ANKRD17: variants seen among roughly 807,000 people sequenced by gnomAD.
The protein encoded by ANKRD17 is ankyrin repeat domain 17.
In ANKRD17, 19 loss-of-function variants were observed where a neutral mutation model predicts 229.7. The ratio of observed to expected loss-of-function variants is 0.08; its 90% confidence interval spans 0.06 to 0.12. ANKRD17 has a LOEUF of 0.12. ANKRD17 is among the 10% of genes least tolerant of loss of function. The probability of loss-of-function intolerance (pLI) is 1.00; values close to 1 mark genes in which losing one functional copy is unlikely to be tolerated. For missense variants in ANKRD17, 2,176 were observed against 3,176.8 expected, an observed-to-expected ratio of 0.68 and a Z score of 7.57; for synonymous variants, 1,112 against 1,146.1, an observed-to-expected ratio of 0.97 and a Z score of 0.60.
chr4:73,189,044 G>A (rs1356222488), intron 1 of ANKRD17, among the ~76,000 whole-genome samples: 4 of 151,870 alleles, frequency 2.6e-5, no homozygotes, highest in Non-Finnish European at 5.9e-5. Context: ...CCTTCAAAAC[G>A]GCACCTAAAC....
chr4:73,120,742 C>T, intron 20 of ANKRD17, 139 bp downstream of exon 20: 1 of 746,560 alleles, frequency 1.3e-6, no homozygotes. Context: ...CTGAGTTATA[C>T]AGAATGATTT....
At chr4:73,136,453 A>G (rs1442000355) in intron 15 of ANKRD17, among the ~76,000 whole-genome samples, 1 of 152,196 alleles carries the variant, frequency 6.6e-6, no homozygotes, top group Non-Finnish European at 1.5e-5. Context: ...TCCTTAGTTC[A>G]GGCACAAACA....
intron 1 of ANKRD17, among the ~76,000 whole-genome samples, chr4:73,203,326 C>A (rs574515622): frequency 1.3e-5 from 2 of 151,472 alleles, no homozygotes; most frequent in South Asian, 4.2e-4. Flanking sequence ...TAACAAATGG[C>A]AAAACTAAAC....
chr4:73,116,747 A>G (rs116554926), intron 22 of ANKRD17, among the ~76,000 whole-genome samples: 1,684 of 152,122 alleles, frequency 0.011, 33 homozygotes, highest in African/African-American at 0.039. Flanking sequence ...TATGGATCTT[A>G]CCTTTCCATA....
chr4:73,117,586 C>A (rs917434590), intron 22 of ANKRD17, among the ~76,000 whole-genome samples: 1 of 151,940 alleles, frequency 6.6e-6, no homozygotes, highest in Non-Finnish European at 1.5e-5. Context: ...CACTGGTAGT[C>A]CAGATTATCT....
chr4:73,185,689 C>T (rs556454145), intron 1 of ANKRD17, among the ~76,000 whole-genome samples: 1 of 151,830 alleles, frequency 6.6e-6, no homozygotes, highest in African/African-American at 2.4e-5. Context: ...ACTTTGGCTA[C>T]AAAAAATAAA....
intron 1 of ANKRD17, among the ~76,000 whole-genome samples, chr4:73,220,528 A>T (rs1381429125): frequency 6.6e-6 from 1 of 152,130 alleles, no homozygotes; most frequent in East Asian, 1.9e-4. Context: ...AGTCAACTTA[A>T]ATATATGTGG....
At chr4:73,236,302 C>T (rs190494500) in intron 1 of ANKRD17, among the ~76,000 whole-genome samples, 118 of 152,138 alleles carry the variant, frequency 7.8e-4, no homozygotes, top group African/African-American at 1.9e-3. Flanking sequence ...ACTACCAGTA[C>T]GTGCCACCAC....
chr4:73,223,512 A>T (rs1742127703), intron 1 of ANKRD17, among the ~76,000 whole-genome samples: 1 of 152,214 alleles, frequency 6.6e-6, no homozygotes, highest in African/African-American at 2.4e-5. Context: ...CAAATGTATT[A>T]TATAACATAC....
chr4:73,085,876 A>G (rs72861823), intron 29 of ANKRD17, among the ~76,000 whole-genome samples: 62 of 151,652 alleles, frequency 4.1e-4, no homozygotes, highest in African/African-American at 1.3e-3. Context: ...TTGTAGTTCC[A>G]GTTACTTGGG....
intron 25 of ANKRD17, chr4:73,100,770 A>G (rs1460235227): frequency 5.6e-6 from 5 of 895,816 alleles, no homozygotes; most frequent in Non-Finnish European, 6.7e-6. Context: ...AATCCTTAAA[A>G]TTTTCTGTAG....
chr4:73,080,112 TC>T (rs1310988364), intron 30 of ANKRD17, among the ~76,000 whole-genome samples: 1 of 150,756 alleles, frequency 6.6e-6, no homozygotes, highest in Non-Finnish European at 1.5e-5. Context: ...CCATCCCCCC[TC>T]CCCCTCCCAA....
Position 73,091,278 on chromosome 4 carries a change from T to C in ANKRD17, c.6350A>G (p.Gln2117Arg). Residue 2117 changes from glutamine (Q) to arginine (R), a missense_variant, in exon 29 of 34, where the codon CAG (glutamine) becomes CGG (arginine). This residue lies in a region of ANKRD17 where 424 missense variants were observed against 454.0 expected (regional missense o/e 0.93). Coordinates refer to ENST00000358602, the MANE Select transcript of ANKRD17 (RefSeq NM_032217.5). ...NQQQPPGSVSQEPRPPLQQSQ... is the reference protein window; with the variant it reads ...NQQQPPGSVSREPRPPLQQSQ... ...CTGCTGAAGAGGTGGTCTTGGTTCCTGAGAAACAGATCCCGGAGGTTGTTG... is the reference window on the plus strand; with the variant it reads ...CTGCTGAAGAGGTGGTCTTGGTTCCCGAGAAACAGATCCCGGAGGTTGTTG... The C allele has an allele frequency of 6.2e-7, 1 of 1,614,218 alleles. No individual in the cohort carries two copies. Among genetic ancestry groups the C allele is most frequent in the Non-Finnish European group, 8.5e-7 (1 of 1,180,040 alleles).
intron 3 of ANKRD17, among the ~76,000 whole-genome samples, 192 bp from the exon 4 acceptor site, chr4:73,156,358 T>C (rs895883933): frequency 5.9e-5 from 9 of 152,204 alleles, no homozygotes; most frequent in Non-Finnish European, 1.0e-4. Flanking sequence ...ATCCTCCTGC[T>C]TCAGACTCTC....
At chr4:73,220,669 G>A (rs1050568743) in intron 1 of ANKRD17, among the ~76,000 whole-genome samples, 1 of 151,966 alleles carries the variant, frequency 6.6e-6, no homozygotes, top group African/African-American at 2.4e-5. Flanking sequence ...AGAAGTTTAT[G>A]ATTCAAAAGA....
In ANKRD17 at chr4:73,076,952, A is replaced by G; in HGVS notation, c.7740T>C (p.Asn2580=). 1.9e-6 allele frequency: 3 copies of G among 1,611,020 alleles called. No homozygotes were observed. In the Middle Eastern group the frequency reaches 5.0e-4, roughly 266 times the overall value. The change falls in exon 33 of 34, where the codon AAT becomes AAC. Residue 2580 remains asparagine (N), a synonymous_variant. Coordinates refer to ENST00000358602, the MANE Select transcript of ANKRD17 (RefSeq NM_032217.5). The stretch of plus-strand genomic sequence containing the variant: ...TGATCAGCCTCACCGTTTGAGGGCC[A>G]TTATTTTCCGTGGAGCTGGAAACCA... ...IKMVSSSTEN[N]GPQTVWTGPW... is the part of the protein sequence containing the mutation.
intron 20 of ANKRD17, among the ~76,000 whole-genome samples, chr4:73,120,576 T>C (rs896223014): frequency 7.9e-5 from 12 of 151,006 alleles, no homozygotes; most frequent in African/African-American, 2.9e-4. Context: ...AAAAAAAATC[T>C]GTTTAAGATG....
chr4:73,220,952 T>C (rs192155955), intron 1 of ANKRD17, among the ~76,000 whole-genome samples: 3 of 152,276 alleles, frequency 2.0e-5, no homozygotes, highest in Non-Finnish European at 1.5e-5. Flanking sequence ...GCTCATTATG[T>C]AATAAATATC....
At position 73,153,930 on chromosome 4, in the gene ANKRD17, G is replaced by A. The variant is rs770504687; in HGVS notation, c.1184C>T (p.Thr395Met). Residue 395 changes from threonine to methionine, a missense_variant, in exon 6 of 34, where the codon ACG becomes ATG. By Grantham distance (81) the Thr-to-Met change is moderately conservative (BLOSUM62 -1). Coordinates refer to ENST00000358602, the MANE Select transcript of ANKRD17 (RefSeq NM_032217.5). ...LLLENGAGIN[T>M]HSNEFKESAL... is the part of the protein sequence containing the mutation. ...ACTCTCTTTAAATTCATTAGAATGC[G>A]TATTAATGCCAGCCCCATTTTCTAG... 5.6e-6 allele frequency: 9 copies of A among 1,610,522 alleles called. No individual in the cohort carries two copies. Among genetic ancestry groups the A allele is most frequent in the East Asian group, 2.2e-5 (1 of 44,736 alleles).
Sources: allele counts gnomAD v4.1 joint callset (sites outside exome capture counted in the v4.1 genomes callset), GRCh38; gene constraint gnomAD v4.1.1; regional missense constraint gnomAD v4.1.1; transcripts MANE v1.5; gene names NCBI Gene and HGNC (gene_info 2026-07-23, HGNC 2026-07-21).